The following KCTD16 variants were observed in gnomAD, a reference collection of about 807,000 sequenced individuals.
KCTD16 encodes the protein potassium channel tetramerization domain containing 16.
Under a neutral mutation model 33.2 loss-of-function variants are expected in KCTD16, and 13 were observed. The observed-to-expected ratio is 0.39, with a 90% CI of 0.25 to 0.62. The LOEUF is 0.62. Among genes scored for constraint, KCTD16 ranks in the 20% least tolerant of loss-of-function variants. The pLI is 0.50. For synonymous variants in KCTD16, 197 were observed against 195.3 expected, an observed-to-expected ratio of 1.01 and a Z score of -0.07; for missense variants, 441 against 525.1, an observed-to-expected ratio of 0.84 and a Z score of 1.57.
chr5:144,186,385 C>A (rs1752728078), intron 2 of KCTD16, among the ~76,000 whole-genome samples: 1 of 143,378 alleles, frequency 7.0e-6, no homozygotes, highest in Non-Finnish European at 1.5e-5. Context: ...AAACTAATGG[C>A]TTATTGTCCC....
chr5:144,463,328 C>T (rs1269025204), intron 3 of KCTD16, among the ~76,000 whole-genome samples: 1 of 152,030 alleles, frequency 6.6e-6, no homozygotes, highest in Non-Finnish European at 1.5e-5. Flanking sequence ...ATTGAATTTG[C>T]CTTTTATTGT....
intron 3 of KCTD16, among the ~76,000 whole-genome samples, chr5:144,359,639 G>C (rs191364022): frequency 6.6e-6 from 1 of 151,006 alleles, no homozygotes; most frequent in East Asian, 1.9e-4. Context: ...AGACATTTTT[G>C]GTTGTCATAA....
At chr5:144,390,093 T>G (rs762219624) in intron 3 of KCTD16, among the ~76,000 whole-genome samples, 5 of 152,214 alleles carry the variant, frequency 3.3e-5, no homozygotes, top group Non-Finnish European at 7.3e-5. Flanking sequence ...ATCTCTAAAG[T>G]GAGTGGCTAC....
At chr5:144,257,785 C>T (rs1342356879) in intron 3 of KCTD16, among the ~76,000 whole-genome samples, 1 of 152,130 alleles carries the variant, frequency 6.6e-6, no homozygotes, top group African/African-American at 2.4e-5. Flanking sequence ...CCGTGCCTGG[C>T]CTGTCATAGT....
At chr5:144,326,219 C>T (rs1752204741) in intron 3 of KCTD16, among the ~76,000 whole-genome samples, 1 of 152,160 alleles carries the variant, frequency 6.6e-6, no homozygotes, top group South Asian at 2.1e-4. Flanking sequence ...CCATGGGAGG[C>T]ATCCCTTCAA....
intron 3 of KCTD16, among the ~76,000 whole-genome samples, chr5:144,392,826 G>A (rs890780198): frequency 2.0e-5 from 3 of 152,148 alleles, no homozygotes; most frequent in Non-Finnish European, 4.4e-5. Context: ...GGAAACACAT[G>A]CGCACGTGAA....
intron 3 of KCTD16, among the ~76,000 whole-genome samples, chr5:144,283,735 G>C (rs938692329): frequency 6.6e-6 from 1 of 152,162 alleles, no homozygotes; most frequent in African/African-American, 2.4e-5. Context: ...AAATCCTGGA[G>C]TCTGGTTTGC....
intron 3 of KCTD16, among the ~76,000 whole-genome samples, chr5:144,247,001 A>G (rs1754568262): frequency 6.6e-6 from 1 of 152,182 alleles, no homozygotes; most frequent in South Asian, 2.1e-4. Context: ...TTTACTGTAA[A>G]TTCAAGATAA....
At chr5:144,339,917 C>T (rs1224850562) in intron 3 of KCTD16, among the ~76,000 whole-genome samples, 2 of 152,178 alleles carry the variant, frequency 1.3e-5, no homozygotes, top group Non-Finnish European at 2.9e-5. Context: ...TTGCCCCTCT[C>T]TCAATAGTGA....
At chr5:144,370,875 C>T (rs908190921) in intron 3 of KCTD16, among the ~76,000 whole-genome samples, 4 of 151,986 alleles carry the variant, frequency 2.6e-5, no homozygotes, top group African/African-American at 9.7e-5. Flanking sequence ...CTCCATTAAC[C>T]ATCAATCACA....
At chr5:144,203,003 CTG>C (rs1753078032) in intron 2 of KCTD16, among the ~76,000 whole-genome samples, 1 of 152,096 alleles carries the variant, frequency 6.6e-6, no homozygotes, top group Non-Finnish European at 1.5e-5. Flanking sequence ...TCAGCCTTTC[CTG>C]AGAGGTTCTG....
At chr5:144,393,835 C>G (rs1382606161) in intron 3 of KCTD16, among the ~76,000 whole-genome samples, 2 of 151,982 alleles carry the variant, frequency 1.3e-5, no homozygotes, top group East Asian at 3.8e-4. Flanking sequence ...TTTCTGCATT[C>G]TCTGTGCCAA....
chr5:144,196,719 T>C (rs753608235), intron 2 of KCTD16, among the ~76,000 whole-genome samples: 42 of 152,224 alleles, frequency 2.8e-4, no homozygotes, highest in Admixed American at 4.6e-4. Flanking sequence ...GCATTCTTTT[T>C]CCTGATGAAT....
chr5:144,294,108 G>A (rs908423103), intron 3 of KCTD16, among the ~76,000 whole-genome samples: 3 of 152,124 alleles, frequency 2.0e-5, no homozygotes, highest in Non-Finnish European at 4.4e-5. Flanking sequence ...GCAGTGAGCC[G>A]AGGTTGCCCC....
chr5:144,348,738 G>A (rs1752872987), intron 3 of KCTD16, among the ~76,000 whole-genome samples: 1 of 152,124 alleles, frequency 6.6e-6, no homozygotes, highest in Non-Finnish European at 1.5e-5. Context: ...TATTATCCTG[G>A]AGGATTCTAG....
At chr5:144,431,712 G>C (rs1753466708) in intron 3 of KCTD16, among the ~76,000 whole-genome samples, 1 of 152,268 alleles carries the variant, frequency 6.6e-6, no homozygotes, top group African/African-American at 2.4e-5. Context: ...CATTACACTA[G>C]AGGGTTGGCA....
chr5:144,227,825 G>A (rs1172314193), intron 3 of KCTD16, among the ~76,000 whole-genome samples: 1 of 152,198 alleles, frequency 6.6e-6, no homozygotes, highest in Admixed American at 6.5e-5. Flanking sequence ...TATGCTGATG[G>A]CATGGGTGTG....
intron 3 of KCTD16, among the ~76,000 whole-genome samples, chr5:144,307,345 A>C (rs955165654): frequency 6.6e-6 from 1 of 152,160 alleles, no homozygotes; most frequent in Non-Finnish European, 1.5e-5. Context: ...CATTATCATC[A>C]TTAAAAGTGT....
chr5:144,380,068 T>C (rs1197205007), intron 3 of KCTD16, among the ~76,000 whole-genome samples: 1 of 152,144 alleles, frequency 6.6e-6, no homozygotes, highest in Non-Finnish European at 1.5e-5. Context: ...ATTCTACACT[T>C]ATGGTTCTAT....
Sources: gnomAD v4.1 joint callset for allele counts (sites outside exome capture counted in the v4.1 genomes callset) on GRCh38, gnomAD v4.1.1 for gene constraint, MANE v1.5 for transcripts, NCBI Gene and HGNC (gene_info 2026-07-23, HGNC 2026-07-21) for gene names.